The following ABR variants were observed in gnomAD, a reference collection of about 807,000 sequenced individuals.
ABR encodes active breakpoint cluster region-related protein.
ABR carries 35 observed loss-of-function variants against 107.2 expected under a neutral mutation model. The observed-to-expected ratio is 0.33, with a 90% CI of 0.25 to 0.43. The LOEUF is 0.43. ABR is among the 20% of genes least tolerant of loss of function. The pLI, the probability that ABR is intolerant of heterozygous loss-of-function variation, is 1.00. For synonymous variants in ABR, 498 were observed against 462.0 expected, an observed-to-expected ratio of 1.08 and a Z score of -1.00; for missense variants, 815 against 1,115.2, an observed-to-expected ratio of 0.73 and a Z score of 3.83.
chr17:1,163,543 T>TA (rs1415761288), intron 1 of ABR, among the ~76,000 whole-genome samples: 5 of 136,624 alleles, frequency 3.7e-5, no homozygotes, highest in East Asian at 4.4e-4. Context: ...AGCATCCAGG[T>TA]GGGACCCTGG....
chr17:1,051,415 T>C lies in ABR; in HGVS notation c.1562-781A>G, dbSNP rs544364121. On this transcript the variant is annotated intron_variant, in intron 14 of 22. Transcript: ENST00000302538. This position sits in a 1 kb window ranked among gnomAD's most constrained non-coding sequence, Gnocchi z 4.3. ...CCAAGCGCTCCAGGTAACAAGGCAG[T>C]GGAGGGCTGGGGCGGGAGGGCAGGG... Among the ~76,000 whole-genome samples the C allele has an allele frequency of 5.2e-4, 74 of 142,182 alleles. No individual in the cohort carries two copies. The highest frequency in any genetic ancestry group is 8.7e-4 in the Non-Finnish European group (56 of 64,710). The allele number at this position is 142,182 out of a possible 152,430, so 93.3% of individuals were successfully genotyped here. A position where few individuals can be genotyped will look rare whatever the true frequency, so the allele number is the denominator to read the frequency against.
chr17:1,202,728 G>C (rs887499696), intron 1 of ABR, among the ~76,000 whole-genome samples: 2 of 152,092 alleles, frequency 1.3e-5, no homozygotes, highest in African/African-American at 4.8e-5. Context: ...CCTAGGTTTA[G>C]GGTTAGGAAA....
chr17:1,097,171 G>A (rs888993927), intron 3 of ABR, among the ~76,000 whole-genome samples: 1 of 152,154 alleles, frequency 6.6e-6, no homozygotes, highest in African/African-American at 2.4e-5. Context: ...GTGTCTGATG[G>A]GGACAGGCGC....
intron 1 of ABR, among the ~76,000 whole-genome samples, chr17:1,206,946 G>C (rs187532903): frequency 6.6e-6 from 1 of 152,086 alleles, no homozygotes; most frequent in African/African-American, 2.4e-5. Context: ...TTAGCTGGGC[G>C]TGGTGGCATG....
At chr17:1,159,213 CACAT>C (rs2041162247) in intron 1 of ABR, among the ~76,000 whole-genome samples, 1 of 152,120 alleles carries the variant, frequency 6.6e-6, no homozygotes, top group Non-Finnish European at 1.5e-5. Context: ...ATGCGGTACT[CACAT>C]ACAGGAGAAG....
rs147518297 is a variant in ABR, at chr17:1,089,964, A to G, written c.531+1701T>C. On this transcript the variant is annotated intron_variant, in intron 4 of 22. Coordinates refer to ENST00000302538, the MANE Select transcript of ABR (RefSeq NM_021962.5). ...GACAGGAGTGAGACTCCGTCTCAACAAAAAAAGGAAATGCAGTCCGTCCTC... is the reference window on the plus strand; with the variant it reads ...GACAGGAGTGAGACTCCGTCTCAACGAAAAAAGGAAATGCAGTCCGTCCTC... 6.2e-3 allele frequency among the ~76,000 whole-genome samples: 942 copies of G among 152,304 alleles called. 30 individuals are homozygous for G. The highest frequency in any genetic ancestry group is 0.052 in the Admixed American group (795 of 15,296).
At chr17:1,216,444 G>A (rs2043011810) in intron 1 of ABR, among the ~76,000 whole-genome samples, 1 of 152,184 alleles carries the variant, frequency 6.6e-6, no homozygotes, top group South Asian at 2.1e-4. Flanking sequence ...CGTCAGAAGT[G>A]GAGAAAGGGG....
At position 1,102,320 on chromosome 17, in the gene ABR, G is replaced by C. The variant is rs574320147; in HGVS notation, c.247-1585C>G. On this transcript the variant is annotated intron_variant, in intron 2 of 22. Coordinates refer to ENST00000302538, the MANE Select transcript of ABR (RefSeq NM_021962.5). ...GTGAGAGGGCCGGGGAGACAGGGTA[G>C]TGGTGAGGGACTGCTTGGAAGATGC... Among the ~76,000 whole-genome samples, 7 of 152,324 alleles carry C rather than the reference G, an allele frequency of 4.6e-5. No individual in the cohort carries two copies. The East Asian group carries it at 7.7e-4, about 17-fold the overall frequency.
chr17:1,116,141 AC>A (rs1264572952), intron 2 of ABR, among the ~76,000 whole-genome samples: 2 of 141,356 alleles, frequency 1.4e-5, no homozygotes, highest in Non-Finnish European at 3.1e-5. Context: ...AATCACTTGA[AC>A]CCAGGAGGCG....
intron 9 of ABR, among the ~76,000 whole-genome samples, chr17:1,068,659 C>T (rs1422342969): frequency 6.6e-6 from 1 of 152,230 alleles, no homozygotes; most frequent in African/African-American, 2.4e-5. Context: ...CAGACCCACA[C>T]TCCCGGGTAG....
chr17:1,154,711 G>A lies in ABR; in HGVS notation c.61+24956C>T, dbSNP rs1597996239. 6.6e-6 allele frequency: 1 copy of A among 152,112 alleles called. No homozygotes were observed. The highest frequency in any genetic ancestry group is 2.4e-5 in the African/African-American group (1 of 41,394). 9.4% of individuals were successfully genotyped at this position (152,112 alleles called of 1,614,324 possible). On this transcript the variant is annotated intron_variant, in intron 1 of 22. Transcript: ENST00000302538. The surrounding 1 kb of genome is among the most constrained non-coding windows in gnomAD (Gnocchi z 4.0). ...AAGGAAGCCACAGGACAAGAGCTTG[G>A]CAATGCCGTGTCCTCAGGGCTCCGG...
intron 16 of ABR, among the ~76,000 whole-genome samples, chr17:1,021,544 G>A (rs541927387): frequency 2.5e-4 from 38 of 152,236 alleles, no homozygotes; most frequent in African/African-American, 5.5e-4. Flanking sequence ...GGTGGCTCAC[G>A]CCTGTCATCC....
chr17:1,018,224 A>C (rs543363062), intron 16 of ABR, among the ~76,000 whole-genome samples: 23 of 151,502 alleles, frequency 1.5e-4, no homozygotes, highest in African/African-American at 5.1e-4. Context: ...TTGTATTTTT[A>C]GTAGAGACGG....
At chr17:1,194,812 C>A (rs1337691536) in intron 1 of ABR, among the ~76,000 whole-genome samples, 1 of 124,388 alleles carries the variant, frequency 8.0e-6, no homozygotes. Context: ...TGCCACCATG[C>A]CCTAAAAATT....
intron 5 of ABR, among the ~76,000 whole-genome samples, chr17:1,082,302 A>ATCCTAAGCAACTG (rs1364931928): frequency 6.6e-6 from 1 of 152,254 alleles, no homozygotes; most frequent in African/African-American, 2.4e-5. Context: ...GTCCTGAAGG[A>ATCCTAAGCAACTG]TCCTAAGCAA....
chr17:1,156,513 G>A (rs532355403), intron 1 of ABR, among the ~76,000 whole-genome samples: 2 of 152,014 alleles, frequency 1.3e-5, no homozygotes, highest in Non-Finnish European at 2.9e-5. Context: ...GTGAAAACTC[G>A]TCTCTACTAA....
At chr17:1,173,076 C>A (rs1362978359) in intron 1 of ABR, among the ~76,000 whole-genome samples, 45 of 111,022 alleles carry the variant, frequency 4.1e-4, no homozygotes, top group Non-Finnish European at 6.7e-4. Flanking sequence ...CACATCACCT[C>A]AGTCCACCCC....
At chr17:1,053,741 C>T (rs1241249740) in intron 14 of ABR, among the ~76,000 whole-genome samples, 3 of 152,084 alleles carry the variant, frequency 2.0e-5, no homozygotes, top group African/African-American at 7.2e-5. Context: ...GCTCTGACAC[C>T]CGCCCAGGCT....
At chr17:1,164,496 A>G (rs989679694) in intron 1 of ABR, among the ~76,000 whole-genome samples, 18 of 151,242 alleles carry the variant, frequency 1.2e-4, no homozygotes, top group South Asian at 6.3e-4. Context: ...CTGAATCCAG[A>G]CTCAGGGACC....
Sources: gnomAD v4.1 joint callset for allele counts (sites outside exome capture counted in the v4.1 genomes callset) on GRCh38, gnomAD v4.1.1 for gene constraint, Gnocchi (gnomAD v3.1) non-coding constraint, MANE v1.5 for transcripts, NCBI Gene and HGNC (gene_info 2026-07-23, HGNC 2026-07-21) for gene names.